Variants in BACH2 observed in about 807,000 individuals in gnomAD.
The protein encoded by BACH2 is BACH transcriptional regulator 2.
In BACH2, 5 loss-of-function variants were observed where a neutral mutation model predicts 61.8. The observed-to-expected ratio is 0.08, with a 90% CI of 0.04 to 0.17. BACH2 has a LOEUF of 0.17. Ranked by LOEUF, BACH2 falls within the 10% of genes least tolerant of loss-of-function variation. The pLI is 1.00. For missense variants in BACH2, 824 were observed against 1,091.1 expected, an observed-to-expected ratio of 0.76 and a Z score of 3.45; for synonymous variants, 446 against 440.1, an observed-to-expected ratio of 1.01 and a Z score of -0.17.
At chr6:90,268,431 A>G (rs1771415959) in intron 2 of BACH2, among the ~76,000 whole-genome samples, 2 of 152,184 alleles carry the variant, frequency 1.3e-5, no homozygotes, top group Non-Finnish European at 2.9e-5. Context: ...ATTCTGTCCA[A>G]CAGTGCAACT....
intron 2 of BACH2, among the ~76,000 whole-genome samples, chr6:90,257,900 C>T (rs680672): frequency 0.016 from 2,487 of 152,252 alleles, 49 homozygotes; most frequent in African/African-American, 0.056. Flanking sequence ...CTCAGCCTCC[C>T]AAGTAGCTGG....
At chr6:90,094,971 T>C (rs547917148) in intron 4 of BACH2, among the ~76,000 whole-genome samples, 23 of 152,180 alleles carry the variant, frequency 1.5e-4, no homozygotes, top group South Asian at 2.1e-4. Flanking sequence ...AAAATACAAA[T>C]TGCATTTAGA....
chr6:90,210,429 T>C (rs1167095637), intron 3 of BACH2, among the ~76,000 whole-genome samples: 3 of 151,956 alleles, frequency 2.0e-5, no homozygotes, highest in African/African-American at 7.3e-5. Flanking sequence ...CTGGGTCAGT[T>C]CACTTCTGGA....
chr6:90,022,310 G>T (rs1010599427), intron 5 of BACH2, among the ~76,000 whole-genome samples: 1 of 152,162 alleles, frequency 6.6e-6, no homozygotes, highest in Non-Finnish European at 1.5e-5. Context: ...TCGGTCAGGC[G>T]CGGTGGCTCA....
chr6:90,031,989 T>C (rs1349313490), intron 5 of BACH2, among the ~76,000 whole-genome samples: 2 of 152,194 alleles, frequency 1.3e-5, no homozygotes, highest in Non-Finnish European at 2.9e-5. Flanking sequence ...AACAGCATGG[T>C]ACTGGTACCA....
rs1772518276 is a variant in BACH2, at chr6:89,929,439, A to G, written c.*2969T>C. Reference sequence around the variant, plus strand: ...TAATTTTGACAAGCACATAGTTCTGAATAGGAAAAGACACACACACATCAC... The same window carrying G: ...TAATTTTGACAAGCACATAGTTCTGGATAGGAAAAGACACACACACATCAC... On this transcript the variant is annotated 3_prime_UTR_variant, in exon 9 of 9. Transcript: ENST00000257749. 6.6e-6 allele frequency: 1 copy of G among 152,366 alleles called. No individual in the cohort carries two copies. Among genetic ancestry groups the G allele is most frequent in the Non-Finnish European group, 1.5e-5 (1 of 68,046 alleles). The allele number at this position is 152,366 out of a possible 1,614,324, so 9.4% of individuals were successfully genotyped here. A position where few individuals can be genotyped will look rare whatever the true frequency, so the allele number is the denominator to read the frequency against.
At position 90,193,023 on chromosome 6, in the gene BACH2, T is replaced by A. The variant is rs1050833090; in HGVS notation, c.-162+13546A>T. ...GCATGTGGCCATCTAGCACAATCAC[T>A]ATTCAGCACGGGACTACATTTCCCA... On this transcript the variant is annotated intron_variant, in intron 4 of 8. Transcript: ENST00000257749. Among the ~76,000 whole-genome samples, 5 of 152,330 alleles carry A rather than the reference T, an allele frequency of 3.3e-5. No individual in the cohort carries two copies. The East Asian group carries it at 9.7e-4, about 29-fold the overall frequency.
intron 6 of BACH2, among the ~76,000 whole-genome samples, chr6:89,982,814 C>T (rs1419571551): frequency 6.6e-6 from 1 of 152,198 alleles, no homozygotes; most frequent in Non-Finnish European, 1.5e-5. Context: ...GCAAGCAGGG[C>T]CGGGTCTTGG....
chr6:90,101,375 G>A (rs1299212250), intron 4 of BACH2, among the ~76,000 whole-genome samples: 1 of 152,100 alleles, frequency 6.6e-6, no homozygotes, highest in Non-Finnish European at 1.5e-5. Context: ...ATTTTTGCTT[G>A]CATTTATTTT....
At chr6:90,223,225 CCCA>C (rs1391379526) in intron 3 of BACH2, among the ~76,000 whole-genome samples, 2 of 152,166 alleles carry the variant, frequency 1.3e-5, no homozygotes, top group African/African-American at 4.8e-5. Context: ...GTGCTGAGTA[CCCA>C]CCACATGTTA....
chr6:89,938,515 T>A (rs1234130381), intron 7 of BACH2, among the ~76,000 whole-genome samples, 165 bp from the exon 8 acceptor site: 2 of 152,228 alleles, frequency 1.3e-5, no homozygotes, highest in African/African-American at 4.8e-5. Flanking sequence ...AGATAAGATG[T>A]AATAATACCT....
At chr6:90,009,877 C>T (rs569006244) in intron 5 of BACH2, among the ~76,000 whole-genome samples, 1 of 152,174 alleles carries the variant, frequency 6.6e-6, no homozygotes, top group Non-Finnish European at 1.5e-5. Context: ...CTTGGCCAGG[C>T]TGGTTTTGAA....
At chr6:89,991,934 T>C (rs935547628) in intron 6 of BACH2, among the ~76,000 whole-genome samples, 1 of 152,228 alleles carries the variant, frequency 6.6e-6, no homozygotes, top group African/African-American at 2.4e-5. Context: ...CTTTAGTTTA[T>C]TATTTTAATA....
chr6:90,029,568 G>T (rs537318205), intron 5 of BACH2, among the ~76,000 whole-genome samples: 45 of 152,212 alleles, frequency 3.0e-4, no homozygotes, highest in African/African-American at 1.0e-3. Context: ...TTTTGTTAAT[G>T]ACCTATTTTT....
At chr6:90,140,057 C>T in intron 4 of BACH2, among the ~76,000 whole-genome samples, 1 of 152,130 alleles carries the variant, frequency 6.6e-6, no homozygotes, top group Non-Finnish European at 1.5e-5. Context: ...GGATACAGTC[C>T]TCCTCCTCTT....
At chr6:89,948,469 A>G (rs1217308548) in intron 7 of BACH2, among the ~76,000 whole-genome samples, 1 of 152,030 alleles carries the variant, frequency 6.6e-6, no homozygotes, top group Non-Finnish European at 1.5e-5. Flanking sequence ...CGGCCTCCCA[A>G]AATGCTAGGA....
chr6:90,143,705 T>A (rs549196935), intron 4 of BACH2, among the ~76,000 whole-genome samples: 1 of 152,244 alleles, frequency 6.6e-6, no homozygotes, highest in East Asian at 1.9e-4. Flanking sequence ...GTTTTCCTCA[T>A]CCTTCATGAA....
At chr6:90,006,805 T>C (rs562605429) in intron 6 of BACH2, among the ~76,000 whole-genome samples, 62 of 152,046 alleles carry the variant, frequency 4.1e-4, no homozygotes, top group Non-Finnish European at 8.5e-4. Context: ...TTTGTAGAGA[T>C]GGGGGTCTCC....
chr6:90,029,255 C>T (rs536154210), intron 5 of BACH2, among the ~76,000 whole-genome samples: 19 of 152,274 alleles, frequency 1.2e-4, no homozygotes, highest in South Asian at 2.1e-4. Context: ...TAAGACTCCC[C>T]GCCCTGCCAT....
Sources: gnomAD v4.1 joint callset for allele counts (sites outside exome capture counted in the v4.1 genomes callset) on GRCh38, gnomAD v4.1.1 for gene constraint, MANE v1.5 for transcripts, NCBI Gene and HGNC (gene_info 2026-07-23, HGNC 2026-07-21) for gene names.